Variants in SPMIP7 observed in about 807,000 individuals in gnomAD.
SPMIP7 encodes protein SPMIP7.
the SPMIP7 span, chr7:50,142,813 T>C: frequency 6.6e-6 from 1 of 152,246 alleles, no homozygotes; most frequent in Non-Finnish European, 1.5e-5. Flanking sequence ...CTTTATGCCT[T>C]TCTTTTGCTT....
the SPMIP7 span, among the ~76,000 whole-genome samples, chr7:50,106,943 A>T: frequency 1.1e-4 from 16 of 152,040 alleles, no homozygotes; most frequent in African/African-American, 3.6e-4. Flanking sequence ...TGTACTAAAA[A>T]TACAAATATT....
At chr7:50,129,829 A>G in the SPMIP7 span, 2 of 1,374,202 alleles carry the variant, frequency 1.5e-6, no homozygotes, top group Non-Finnish European at 2.0e-6. Context: ...TGATTTTGGA[A>G]TATATTTCTT....
the SPMIP7 span, among the ~76,000 whole-genome samples, chr7:50,145,773 A>G: frequency 6.6e-6 from 1 of 150,504 alleles, no homozygotes; most frequent in Non-Finnish European, 1.5e-5. Flanking sequence ...CAGCTAACAG[A>G]GCAGCACAGC....
At chr7:50,111,041 TTATA>T in the SPMIP7 span, among the ~76,000 whole-genome samples, 1 of 145,556 alleles carries the variant, frequency 6.9e-6, no homozygotes, top group East Asian at 2.0e-4. Context: ...TATATATTTA[TTATA>T]TATGATGTTA....
the SPMIP7 span, among the ~76,000 whole-genome samples, chr7:50,117,007 G>A: frequency 6.6e-6 from 1 of 152,120 alleles, no homozygotes; most frequent in Non-Finnish European, 1.5e-5. Flanking sequence ...ACAATAAGAG[G>A]CGTTCTCAAG....
At chr7:50,131,900 C>G in the SPMIP7 span, among the ~76,000 whole-genome samples, 2 of 152,090 alleles carry the variant, frequency 1.3e-5, no homozygotes, top group Non-Finnish European at 2.9e-5. Flanking sequence ...GAAATGACAA[C>G]ACGTGTGGAC....
the SPMIP7 span, among the ~76,000 whole-genome samples, chr7:50,097,638 T>G: frequency 6.8e-6 from 1 of 147,072 alleles, no homozygotes; most frequent in African/African-American, 2.5e-5. Flanking sequence ...AAAACTCACC[T>G]AAGAGTAAAA....
At chr7:50,145,646 A>G in the SPMIP7 span, among the ~76,000 whole-genome samples, 31 of 110,926 alleles carry the variant, frequency 2.8e-4, 2 homozygotes, top group Middle Eastern at 8.1e-3. Context: ...ATATATATAT[A>G]TATATATATA....
At chr7:50,141,678 T>C in the SPMIP7 span, 12 of 244,328 alleles carry the variant, frequency 4.9e-5, no homozygotes, top group South Asian at 7.4e-5. Flanking sequence ...GGATCAATAA[T>C]GTTTGTAAAG....
At chr7:50,100,167 T>A in the SPMIP7 span, among the ~76,000 whole-genome samples, 3 of 152,294 alleles carry the variant, frequency 2.0e-5, no homozygotes, top group Non-Finnish European at 4.4e-5. Context: ...AAGCCAGTCC[T>A]CTGGGGAGCT....
chr7:50,104,241 A>G, the SPMIP7 span: 7 of 648,634 alleles, frequency 1.1e-5, no homozygotes, highest in Non-Finnish European at 1.8e-5. Flanking sequence ...TTCTAATAGT[A>G]AATATTTCTG....
chr7:50,103,705 C>T, the SPMIP7 span, among the ~76,000 whole-genome samples: 3 of 152,150 alleles, frequency 2.0e-5, no homozygotes, highest in Admixed American at 2.0e-4. Context: ...GGGGAGATGT[C>T]CCTAAGCCCT....
the SPMIP7 span, among the ~76,000 whole-genome samples, chr7:50,158,161 C>T: frequency 0.026 from 3,935 of 150,660 alleles, 62 homozygotes; most frequent in Middle Eastern, 0.081. Context: ...GCCCAGGACC[C>T]CCACCCATGT....
the SPMIP7 span, among the ~76,000 whole-genome samples, chr7:50,123,446 T>G: frequency 7.0e-6 from 1 of 143,498 alleles, no homozygotes; most frequent in Non-Finnish European, 1.5e-5. Flanking sequence ...AGGGATAGCA[T>G]TAGGAGATAT....
At chr7:50,100,662 A>C in the SPMIP7 span, among the ~76,000 whole-genome samples, 1 of 152,034 alleles carries the variant, frequency 6.6e-6, no homozygotes, top group African/African-American at 2.4e-5. Flanking sequence ...AATACAAAAA[A>C]TTAGCCAGGC....
the SPMIP7 span, chr7:50,096,068 A>C: frequency 1.4e-6 from 2 of 1,440,380 alleles, no homozygotes; most frequent in African/African-American, 1.4e-5. Context: ...GTTATCAAAA[A>C]TTCTAAAGAA....
the SPMIP7 span, among the ~76,000 whole-genome samples, chr7:50,133,150 A>G: frequency 6.6e-6 from 1 of 152,100 alleles, no homozygotes; most frequent in South Asian, 2.1e-4. Context: ...ATCCAACTGG[A>G]ATTGATTTCA....
At chr7:50,106,512 AT>A in the SPMIP7 span, among the ~76,000 whole-genome samples, 2 of 152,228 alleles carry the variant, frequency 1.3e-5, no homozygotes, top group Non-Finnish European at 2.9e-5. Flanking sequence ...GACTGCTCTC[AT>A]TTCCAGAAAT....
chr7:50,125,710 G>A, the SPMIP7 span, among the ~76,000 whole-genome samples: 4 of 151,730 alleles, frequency 2.6e-5, no homozygotes, highest in Non-Finnish European at 4.4e-5. Context: ...CATTGTAAGT[G>A]AAATAAACCA....
Sources: allele counts gnomAD v4.1 joint callset (sites outside exome capture counted in the v4.1 genomes callset), GRCh38; gene constraint gnomAD v4.1.1; transcripts MANE v1.5; gene names NCBI Gene and HGNC (gene_info 2026-07-23, HGNC 2026-07-21).